TTC7B: variants seen among roughly 807,000 people sequenced by gnomAD.
TTC7B encodes the protein tetratricopeptide repeat domain 7B.
In TTC7B, 28 loss-of-function variants were observed where a neutral mutation model predicts 106.8. The observed-to-expected ratio is 0.26, with a 90% CI of 0.19 to 0.36. The LOEUF (loss-of-function observed/expected upper bound fraction) is 0.36. TTC7B is among the 10% of genes least tolerant of loss of function. The pLI is 1.00. For missense variants in TTC7B, 862 were observed against 1,076.4 expected (o/e 0.80, Z 2.79); for synonymous variants, 405 against 430.6 (o/e 0.94, Z 0.74).
intron 12 of TTC7B, among the ~76,000 whole-genome samples, chr14:90,653,255 A>G (rs995087372): frequency 2.6e-5 from 4 of 152,220 alleles, no homozygotes; most frequent in African/African-American, 9.6e-5. Context: ...GGGGAACGAC[A>G]AGCTCTATGA....
chr14:90,603,302 G>T, intron 17 of TTC7B: 1 of 1,289,610 alleles, frequency 7.8e-7, no homozygotes, highest in Non-Finnish European at 1.0e-6. Flanking sequence ...CTGGAGAGTT[G>T]CCTTGGAACA....
At chr14:90,652,983 C>A in intron 12 of TTC7B, 85 bp from the exon 13 acceptor site, 1 of 1,393,806 alleles carries the variant, frequency 7.2e-7, no homozygotes, top group South Asian at 1.2e-5. Flanking sequence ...CCTGTACATT[C>A]AACTGGATTA....
At chr14:90,792,839 C>G (rs1891633512) in intron 1 of TTC7B, among the ~76,000 whole-genome samples, 1 of 152,050 alleles carries the variant, frequency 6.6e-6, no homozygotes, top group African/African-American at 2.4e-5. Flanking sequence ...GAATTGCAGA[C>G]AGAAGGAATA....
At chr14:90,638,784 A>C in intron 15 of TTC7B, among the ~76,000 whole-genome samples, 1 of 152,254 alleles carries the variant, frequency 6.6e-6, no homozygotes, top group African/African-American at 2.4e-5. Flanking sequence ...GGCAACCTAA[A>C]GAGCAGGATA....
chr14:90,692,587 C>T (rs2139942052), intron 6 of TTC7B, among the ~76,000 whole-genome samples: 2 of 152,278 alleles, frequency 1.3e-5, no homozygotes, highest in South Asian at 4.1e-4. Flanking sequence ...CATACTTAAG[C>T]AATTTTGAAA....
intron 7 of TTC7B, among the ~76,000 whole-genome samples, chr14:90,687,290 G>A (rs781733448): frequency 6.6e-6 from 1 of 152,120 alleles, no homozygotes; most frequent in East Asian, 1.9e-4. Context: ...GTGCTACTAC[G>A]GGAATGCTCC....
rs1429935320 is a variant in TTC7B at position 90,532,940 on chromosome 14, G to A, written c.*8428C>T. 2 of 152,272 alleles carry A rather than the reference G, an allele frequency of 1.3e-5. No individual in the cohort carries two copies. Among genetic ancestry groups the A allele is most frequent in the Admixed American group, 1.3e-4 (2 of 15,284 alleles). The allele number at this position is 152,272 out of a possible 1,614,324, so 9.4% of individuals were successfully genotyped here. ...AAACCCTGACCTCCTGCCATGCCCG[G>A]GGGAGGAGCCATGCAGGGGTAGGGC... On this transcript the variant is annotated 3_prime_UTR_variant, in exon 20 of 20. Transcript: ENST00000328459.
chr14:90,738,851 C>T (rs1245194056), intron 4 of TTC7B, among the ~76,000 whole-genome samples: 4 of 152,108 alleles, frequency 2.6e-5, no homozygotes, highest in African/African-American at 9.7e-5. Context: ...CACAGAGAGA[C>T]CTTGTTTCTA....
chr14:90,578,737 C>T lies in TTC7B; in HGVS notation c.2108-429G>A, dbSNP rs571820322. ...AGGCACCCAGACCCTCAGAGGGCAACGGCTCTGCCCTCTGACCCACTCTCC... is the reference window on the plus strand; with the variant it reads ...AGGCACCCAGACCCTCAGAGGGCAATGGCTCTGCCCTCTGACCCACTCTCC... On this transcript the variant is annotated intron_variant, in intron 18 of 19. Transcript: ENST00000328459. The surrounding 1 kb of genome is among the most constrained non-coding windows in gnomAD (Gnocchi z 4.7). Among the ~76,000 whole-genome samples the T allele has an allele frequency of 2.0e-5, 3 of 152,108 alleles. No individual in the cohort carries two copies. The highest frequency in any genetic ancestry group is 2.1e-4 in the South Asian group (1 of 4,804).
chr14:90,801,384 C>T lies in TTC7B; in HGVS notation c.121+14791G>A, dbSNP rs78975698. On this transcript the variant is annotated intron_variant, in intron 1 of 19. Coordinates refer to ENST00000328459, the MANE Select transcript of TTC7B (RefSeq NM_001010854.2). Reference sequence around the variant, plus strand: ...GAGACCCATTTCTGACTCTGACCTCCAGAACGCTAAGAGAAGACATCTGTA... The same window carrying T: ...GAGACCCATTTCTGACTCTGACCTCTAGAACGCTAAGAGAAGACATCTGTA... Among the ~76,000 whole-genome samples, 317 of 152,228 alleles carry T rather than the reference C, an allele frequency of 2.1e-3. 3 individuals carry two copies. Among genetic ancestry groups the T allele is most frequent in the Middle Eastern group, 0.01 (3 of 294 alleles).
intron 9 of TTC7B, among the ~76,000 whole-genome samples, chr14:90,664,310 C>T (rs1278889924): frequency 1.3e-5 from 2 of 152,116 alleles, no homozygotes; most frequent in Non-Finnish European, 2.9e-5. Context: ...TGCTCTGTCA[C>T]CCAGGCTGGA....
chr14:90,528,577 G>A lies in TTC7B; in HGVS notation c.*12791C>T, dbSNP rs1294553. The A allele has an allele frequency of 0.79, 120,213 of 151,976 alleles. 48,980 individuals are homozygous for A. Among genetic ancestry groups the A allele is most frequent in the South Asian group, 0.92 (4,431 of 4,812 alleles). The allele number at this position is 151,976 out of a possible 1,614,324, so 9.4% of individuals were successfully genotyped here. On this transcript the variant is annotated 3_prime_UTR_variant, in exon 20 of 20. Coordinates refer to ENST00000328459, the MANE Select transcript of TTC7B (RefSeq NM_001010854.2). ...TGTTTTGATGGTTGTTTCTGATGGC[G>A]TGACCCAACTGTGCCTCGTTACCCG...
At chr14:90,593,401 C>T in intron 18 of TTC7B, 85 bp downstream of exon 18, 2 of 1,467,634 alleles carry the variant, frequency 1.4e-6, no homozygotes, top group Non-Finnish European at 1.8e-6. Flanking sequence ...GACAAGCGCC[C>T]AGGCTCTGGC....
rs752121298 is a variant in TTC7B, at chr14:90,600,363, C to T, written c.1967-6737G>A. Among the ~76,000 whole-genome samples, 10 of 152,274 alleles carry T rather than the reference C, an allele frequency of 6.6e-5. No homozygotes were observed. The highest frequency in any genetic ancestry group is 1.9e-4 in the East Asian group (1 of 5,176). ...GCTGCTTCCCTGGGAGCTGCCCTCG[C>T]GCCTTGTGTCCCCCAGTGTGACAGC... On this transcript the variant is annotated intron_variant, in intron 17 of 19. Coordinates refer to ENST00000328459, the MANE Select transcript of TTC7B (RefSeq NM_001010854.2). This position sits in a 1 kb window ranked among gnomAD's most constrained non-coding sequence, Gnocchi z 4.3.
chr14:90,550,340 C>T (rs139189154), intron 19 of TTC7B, among the ~76,000 whole-genome samples: 3,066 of 152,332 alleles, frequency 0.02, 60 homozygotes, highest in Non-Finnish European at 0.031. Context: ...GTTATGTCTC[C>T]ACCCTAAAGT....
intron 1 of TTC7B, among the ~76,000 whole-genome samples, chr14:90,799,229 G>A (rs1285615652): frequency 2.0e-5 from 3 of 152,144 alleles, no homozygotes; most frequent in Non-Finnish European, 2.9e-5. Context: ...AATATCCCAG[G>A]CATCCTTTAA....
intron 17 of TTC7B, among the ~76,000 whole-genome samples, chr14:90,602,428 G>A (rs139845210): frequency 4.0e-4 from 61 of 152,370 alleles, no homozygotes; most frequent in Admixed American, 1.0e-3. Context: ...TAGGCTGGGC[G>A]TGATGGCTCA....
In TTC7B at chr14:90,695,505, G is replaced by A. The variant is rs751107695; in HGVS notation, c.772C>T (p.Arg258Ter). Residue 258 changes from arginine (R) to a stop codon, truncating the protein, a stop_gained, in exon 6 of 20, where the codon CGA becomes TGA. Transcript: ENST00000328459. LOFTEE classifies it high-confidence loss of function. ...AVETRTTQNL[R>*]MTIARQLAEI... Reference sequence around the variant, plus strand: ...AAGTCACTGTTCACACTTACCATTCGCAGGTTTTGAGTCGTTCTTGTTTCA... The same window carrying A: ...AAGTCACTGTTCACACTTACCATTCACAGGTTTTGAGTCGTTCTTGTTTCA... 3 of 1,589,526 alleles carry A rather than the reference G, an allele frequency of 1.9e-6. No homozygotes were observed. Among genetic ancestry groups the A allele is most frequent in the Non-Finnish European group, 2.6e-6 (3 of 1,168,904 alleles).
At chr14:90,618,980 T>G (rs1006615062) in intron 15 of TTC7B, among the ~76,000 whole-genome samples, 1 of 152,218 alleles carries the variant, frequency 6.6e-6, no homozygotes, top group African/African-American at 2.4e-5. Context: ...CTTGGCTCAC[T>G]GCAACCTCTA....
Sources: gnomAD v4.1 joint callset for allele counts (sites outside exome capture counted in the v4.1 genomes callset) on GRCh38, gnomAD v4.1.1 for gene constraint, Gnocchi (gnomAD v3.1) non-coding constraint, MANE v1.5 for transcripts, NCBI Gene and HGNC (gene_info 2026-07-23, HGNC 2026-07-21) for gene names.